Variants in ANKS1B observed in about 807,000 individuals in gnomAD.
The protein encoded by ANKS1B is ankyrin repeat and sterile alpha motif domain-containing protein 1B.
Under a neutral mutation model 148.3 loss-of-function variants are expected in ANKS1B, and 36 were observed. The ratio of observed to expected loss-of-function variants is 0.24; its 90% CI spans 0.19 to 0.32. ANKS1B has a LOEUF of 0.32. Ranked by LOEUF, ANKS1B falls within the 10% of genes least tolerant of loss-of-function variation. The pLI is 1.00. For missense variants in ANKS1B, 1,157 were observed against 1,542.6 expected (o/e 0.75, Z 4.19); for synonymous variants, 542 against 560.8 (o/e 0.97, Z 0.47).
intron 17 of ANKS1B, among the ~76,000 whole-genome samples, chr12:98,904,773 G>C (rs569335813): frequency 1.4e-4 from 21 of 152,336 alleles, no homozygotes; most frequent in African/African-American, 3.8e-4. Flanking sequence ...GAATGGGAAA[G>C]AGGGAGAAAG....
chr12:99,221,681 T>C (rs1031763754), intron 14 of ANKS1B, among the ~76,000 whole-genome samples: 1 of 152,226 alleles, frequency 6.6e-6, no homozygotes, highest in Non-Finnish European at 1.5e-5. Flanking sequence ...TTTGATAATA[T>C]GCTATATTGG....
chr12:99,705,310 G>C (rs2055559242), intron 8 of ANKS1B, among the ~76,000 whole-genome samples: 1 of 152,022 alleles, frequency 6.6e-6, no homozygotes, highest in Non-Finnish European at 1.5e-5. Context: ...GAAAATAGGT[G>C]ATTGAGAAAA....
intron 12 of ANKS1B, among the ~76,000 whole-genome samples, chr12:99,378,614 A>G (rs922972192): frequency 7.4e-4 from 109 of 148,138 alleles, no homozygotes; most frequent in African/African-American, 2.7e-3. Flanking sequence ...GAGATCACGC[A>G]CTGCACTCCA....
chr12:99,657,119 T>C (rs2098453307), intron 8 of ANKS1B, among the ~76,000 whole-genome samples: 1 of 152,236 alleles, frequency 6.6e-6, no homozygotes, highest in African/African-American at 2.4e-5. Context: ...TGACTTGGAG[T>C]ATCACTGGCC....
chr12:99,221,317 G>A (rs1433839600), intron 14 of ANKS1B, among the ~76,000 whole-genome samples: 1 of 152,108 alleles, frequency 6.6e-6, no homozygotes, highest in Non-Finnish European at 1.5e-5. Context: ...TCCAGTCTGG[G>A]TGACAGAGGA....
In ANKS1B at chr12:99,870,007, T is replaced by A. The variant is rs12296260; in HGVS notation, c.135-44618A>T. On this transcript the variant is annotated intron_variant, in intron 1 of 26. Coordinates refer to ENST00000683438, the MANE Select transcript of ANKS1B (RefSeq NM_001352186.2). The stretch of plus-strand genomic sequence containing the variant: ...ACAGATTTATTACACAGATATATTG[T>A]GTGATGTTGAGAATTAGGGTACAAC... Among the ~76,000 whole-genome samples the A allele has an allele frequency of 1.9e-3, 297 of 152,314 alleles. 1 individual carries two copies. Among genetic ancestry groups the A allele is most frequent in the African/African-American group, 6.9e-3 (288 of 41,560 alleles).
chr12:98,990,138 C>G (rs2099925718), intron 17 of ANKS1B, among the ~76,000 whole-genome samples: 1 of 152,088 alleles, frequency 6.6e-6, no homozygotes, highest in Non-Finnish European at 1.5e-5. Context: ...TTAATTCTTC[C>G]AATCCATGTG....
chr12:99,271,781 C>T (rs2077077842), intron 12 of ANKS1B, among the ~76,000 whole-genome samples: 1 of 149,894 alleles, frequency 6.7e-6, no homozygotes, highest in Non-Finnish European at 1.5e-5. Context: ...ATAGTAGGAC[C>T]TGTTGGTGGG....
At chr12:99,133,848 TG>T (rs2153766660) in intron 15 of ANKS1B, among the ~76,000 whole-genome samples, 1 of 150,404 alleles carries the variant, frequency 6.6e-6, no homozygotes, top group Admixed American at 6.6e-5. Flanking sequence ...CGCCTGAACT[TG>T]TTGTTCCAAA....
chr12:99,459,858 T>C (rs185886765), intron 10 of ANKS1B, among the ~76,000 whole-genome samples: 2 of 152,012 alleles, frequency 1.3e-5, no homozygotes, highest in Admixed American at 1.3e-4. Context: ...TTAAATGCAA[T>C]TCCCATCAAA....
At chr12:99,648,980 A>G (rs1458349666) in intron 9 of ANKS1B, among the ~76,000 whole-genome samples, 1 of 152,194 alleles carries the variant, frequency 6.6e-6, no homozygotes, top group Non-Finnish European at 1.5e-5. Context: ...AGGGTTCTCC[A>G]AGCCTGAATT....
At chr12:99,280,164 GTGTGTGTA>G (rs1350223571) in intron 12 of ANKS1B, among the ~76,000 whole-genome samples, 1 of 149,174 alleles carries the variant, frequency 6.7e-6, no homozygotes, top group African/African-American at 2.6e-5. Flanking sequence ...GTCTGTGTGT[GTGTGTGTA>G]TGTGTGTGTG....
At chr12:99,975,222 G>A (rs1469738254) in intron 1 of ANKS1B, among the ~76,000 whole-genome samples, 1 of 152,152 alleles carries the variant, frequency 6.6e-6, no homozygotes, top group Admixed American at 6.5e-5. Flanking sequence ...CACTCCATTT[G>A]TTCTGCCAGA....
intron 8 of ANKS1B, among the ~76,000 whole-genome samples, chr12:99,677,638 G>A (rs573531936): frequency 3.8e-4 from 58 of 152,272 alleles, no homozygotes; most frequent in African/African-American, 1.3e-3. Context: ...AGCTGCTTAT[G>A]TAATTCTGAA....
At chr12:99,756,351 T>A (rs939389483) in intron 8 of ANKS1B, among the ~76,000 whole-genome samples, 1 of 151,804 alleles carries the variant, frequency 6.6e-6, no homozygotes, top group African/African-American at 2.4e-5. Context: ...ACAAAAAGAA[T>A]AAAATTCCTA....
rs374446826 is a variant in ANKS1B, at chr12:99,062,446, G to T, written c.2626-9137C>A. Among the ~76,000 whole-genome samples the T allele has an allele frequency of 5.3e-5, 8 of 152,202 alleles. No homozygotes were observed. The South Asian group carries it at 8.3e-4, about 16-fold the overall frequency. On this transcript the variant is annotated intron_variant, in intron 16 of 26. Coordinates refer to ENST00000683438, the MANE Select transcript of ANKS1B (RefSeq NM_001352186.2). ...TGAACCAACACTTTCAATGCATAAG[G>T]AACAGATAAAAATAATACTCAGGAG...
At chr12:98,823,149 T>G (rs916230426) in intron 19 of ANKS1B, among the ~76,000 whole-genome samples, 1 of 152,246 alleles carries the variant, frequency 6.6e-6, no homozygotes, top group Non-Finnish European at 1.5e-5. Flanking sequence ...TGGCTTGAAA[T>G]AGGGCACAGA....
intron 17 of ANKS1B, among the ~76,000 whole-genome samples, chr12:98,986,752 C>T (rs559060572): frequency 6.6e-6 from 1 of 152,190 alleles, no homozygotes; most frequent in Admixed American, 6.5e-5. Context: ...ATAGCTGGGA[C>T]TACAGGTGTG....
At chr12:99,463,068 A>G (rs1356064040) in intron 10 of ANKS1B, among the ~76,000 whole-genome samples, 1 of 152,246 alleles carries the variant, frequency 6.6e-6, no homozygotes, top group African/African-American at 2.4e-5. Context: ...ACAAAATGGA[A>G]TAACACATGC....
Sources: allele counts gnomAD v4.1 joint callset (sites outside exome capture counted in the v4.1 genomes callset), GRCh38; gene constraint gnomAD v4.1.1; transcripts MANE v1.5; gene names NCBI Gene and HGNC (gene_info 2026-07-23, HGNC 2026-07-21).